Variants in PLPPR1 observed in about 807,000 individuals in gnomAD.
PLPPR1 encodes the protein phospholipid phosphatase related 1.
PLPPR1 carries 10 observed loss-of-function variants against 33.1 expected under a neutral mutation model. That is an observed-to-expected ratio of 0.30 (90% CI 0.19 to 0.51). The LOEUF (loss-of-function observed/expected upper bound fraction) is 0.51. Among genes scored for constraint, PLPPR1 ranks in the 20% least tolerant of loss-of-function variants. The pLI, the probability that PLPPR1 is intolerant of heterozygous loss-of-function variation, is 0.97. For synonymous variants in PLPPR1, 151 were observed against 151.0 expected (o/e 1.00, Z 0.00); for missense variants, 304 against 408.1 (o/e 0.74, Z 2.20).
intron 1 of PLPPR1, among the ~76,000 whole-genome samples, chr9:101,166,602 T>A (rs1460630904): frequency 6.6e-6 from 1 of 152,190 alleles, no homozygotes; most frequent in Non-Finnish European, 1.5e-5. Context: ...CAGTTTGCAG[T>A]ATTAAAAAGA....
At chr9:101,256,608 C>T (rs994379202) in intron 2 of PLPPR1, among the ~76,000 whole-genome samples, 1 of 152,100 alleles carries the variant, frequency 6.6e-6, no homozygotes, top group Non-Finnish European at 1.5e-5. Context: ...TATGTTGTTG[C>T]TGCTATTATT....
intron 2 of PLPPR1, 175 bp from the exon 3 acceptor site, chr9:101,269,705 C>T: frequency 1.6e-6 from 1 of 634,558 alleles, no homozygotes; most frequent in South Asian, 1.8e-5. Context: ...ACAGATGTTA[C>T]AAGGCAGACA....
At chr9:101,131,159 A>G (rs1831309201) in intron 1 of PLPPR1, among the ~76,000 whole-genome samples, 1 of 152,204 alleles carries the variant, frequency 6.6e-6, no homozygotes, top group Admixed American at 6.5e-5. Flanking sequence ...CCTTGACGGC[A>G]TTTTAAAAAC....
At chr9:101,299,296 A>G (rs1280445212) in intron 4 of PLPPR1, among the ~76,000 whole-genome samples, 2 of 152,182 alleles carry the variant, frequency 1.3e-5, no homozygotes, top group Non-Finnish European at 2.9e-5. Flanking sequence ...ATTAGAGACT[A>G]AGATGTTTGC....
chr9:101,045,208 G>C (rs1412312633), intron 1 of PLPPR1, among the ~76,000 whole-genome samples: 1 of 152,200 alleles, frequency 6.6e-6, no homozygotes, highest in East Asian at 1.9e-4. Context: ...CTGGGAGTGG[G>C]AGCAGCTAAA....
intron 2 of PLPPR1, among the ~76,000 whole-genome samples, chr9:101,210,409 C>T (rs1388097952): frequency 1.3e-5 from 2 of 152,176 alleles, no homozygotes; most frequent in African/African-American, 2.4e-5. Context: ...GGTTAAACAA[C>T]AGACTGGGAA....
Position 101,155,040 on chromosome 9 carries a change from A to G in PLPPR1, c.-45-30410A>G, listed in dbSNP as rs58428621. ...ATGAGTTAATGGGTGTAGCACACCA[A>G]CATGGCACATGTATACATACGTAAC... On this transcript the variant is annotated intron_variant, in intron 1 of 7. Coordinates refer to ENST00000374874, the MANE Select transcript of PLPPR1 (RefSeq NM_207299.2). Among the ~76,000 whole-genome samples, 178 of 152,086 alleles carry G rather than the reference A, an allele frequency of 1.2e-3. 1 individual carries two copies. In the East Asian group the frequency reaches 0.021, roughly 18 times the overall value.
chr9:101,269,821 G>T (rs765565812), intron 2 of PLPPR1, 59 bp from the exon 3 acceptor site: 1 of 1,540,698 alleles, frequency 6.5e-7, no homozygotes, highest in South Asian at 1.1e-5. Context: ...GTGCTCTGAG[G>T]GGCAAGGGCT....
intron 1 of PLPPR1, among the ~76,000 whole-genome samples, chr9:101,150,680 C>G (rs1474888953): frequency 1.3e-5 from 2 of 152,176 alleles, no homozygotes; most frequent in African/African-American, 4.8e-5. Flanking sequence ...CCTCTTGTCT[C>G]TCTGTCATCC....
At chr9:101,233,056 G>A (rs1321912997) in intron 2 of PLPPR1, among the ~76,000 whole-genome samples, 5 of 151,954 alleles carry the variant, frequency 3.3e-5, no homozygotes, top group South Asian at 2.1e-4. Context: ...TGGAATATAC[G>A]TCTCATACAT....
intron 2 of PLPPR1, among the ~76,000 whole-genome samples, chr9:101,207,538 G>A (rs1351147337): frequency 6.6e-6 from 1 of 152,088 alleles, no homozygotes; most frequent in African/African-American, 2.4e-5. Flanking sequence ...ATGAAGTGGG[G>A]GTGTGAGAAG....
chr9:101,168,257 G>T (rs999447595), intron 1 of PLPPR1, among the ~76,000 whole-genome samples: 12 of 152,102 alleles, frequency 7.9e-5, no homozygotes, highest in African/African-American at 2.7e-4. Context: ...TTAATAAAGG[G>T]ACTCTAACAT....
At chr9:101,163,377 C>T (rs577785972) in intron 1 of PLPPR1, among the ~76,000 whole-genome samples, 1 of 152,260 alleles carries the variant, frequency 6.6e-6, no homozygotes, top group South Asian at 2.1e-4. Context: ...AAAATTTACC[C>T]CTCATAATAC....
chr9:101,202,313 T>C (rs1344391073), intron 2 of PLPPR1, among the ~76,000 whole-genome samples: 1 of 152,226 alleles, frequency 6.6e-6, no homozygotes, highest in Non-Finnish European at 1.5e-5. Flanking sequence ...TTCTGTTCAC[T>C]GTGGGAATCC....
intron 1 of PLPPR1, among the ~76,000 whole-genome samples, chr9:101,134,931 G>C (rs1468414247): frequency 6.6e-6 from 1 of 152,116 alleles, no homozygotes; most frequent in Non-Finnish European, 1.5e-5. Context: ...GGGCAACAGA[G>C]GACCTGCAGA....
chr9:101,307,632 A>G (rs1263346228), intron 4 of PLPPR1, among the ~76,000 whole-genome samples: 2 of 152,242 alleles, frequency 1.3e-5, no homozygotes, highest in Non-Finnish European at 2.9e-5. Flanking sequence ...AAGAAAGATG[A>G]TGGCAATCAG....
chr9:101,285,897 C>T (rs893346824), intron 3 of PLPPR1, among the ~76,000 whole-genome samples: 1 of 152,172 alleles, frequency 6.6e-6, no homozygotes, highest in Non-Finnish European at 1.5e-5. Context: ...ATATTATAGG[C>T]TGAAACTCTA....
chr9:101,312,050 G>A (rs1828968120), intron 5 of PLPPR1, among the ~76,000 whole-genome samples: 2 of 152,200 alleles, frequency 1.3e-5, no homozygotes, highest in Non-Finnish European at 2.9e-5. Flanking sequence ...CATCTCAGGT[G>A]TCATAACGTG....
intron 1 of PLPPR1, among the ~76,000 whole-genome samples, chr9:101,078,672 G>A (rs1356199673): frequency 2.6e-5 from 4 of 151,930 alleles, no homozygotes; most frequent in Non-Finnish European, 5.9e-5. Context: ...CAGCCTGGGC[G>A]ACAGAGTGAC....
Sources: gnomAD v4.1 joint callset for allele counts (sites outside exome capture counted in the v4.1 genomes callset) on GRCh38, gnomAD v4.1.1 for gene constraint, MANE v1.5 for transcripts, NCBI Gene and HGNC (gene_info 2026-07-23, HGNC 2026-07-21) for gene names.